The following SLC2A9 variants were observed in gnomAD, a reference collection of about 807,000 sequenced individuals.
SLC2A9 encodes solute carrier family 2, facilitated glucose transporter member 9.
In SLC2A9, 39 loss-of-function variants were observed where a neutral mutation model predicts 50.6. The observed-to-expected ratio is 0.77, with a 90% CI of 0.60 to 1.01. The LOEUF is 1.01. Ranked by LOEUF, SLC2A9 falls within the 50% of genes least tolerant of loss-of-function variation. The pLI, the probability that SLC2A9 is intolerant of heterozygous loss-of-function variation, is 0.00. For missense variants in SLC2A9, 686 were observed against 677.6 expected (o/e 1.01, Z -0.14); for synonymous variants, 324 against 276.9 (o/e 1.17, Z -1.69).
In SLC2A9 at chr4:9,941,922, C is replaced by G; in HGVS notation, c.805G>C (p.Ala269Pro). The G allele has an allele frequency of 6.2e-7, 1 of 1,614,104 alleles. No homozygotes were observed. The highest frequency in any genetic ancestry group is 8.5e-7 in the Non-Finnish European group (1 of 1,179,990). Residue 269 changes from alanine (A) to proline (P), a missense_variant, in exon 6 of 12, where the codon GCT becomes CCT. Physicochemically the swap from Ala to Pro is conservative, Grantham distance 27. Coordinates refer to ENST00000264784, the MANE Select transcript of SLC2A9 (RefSeq NM_020041.3). The part of the protein sequence containing the change: ...LLLEKHNEAR[A>P]VKAFQTFLGK... ...AGGGAAGGGCCCTCACCTTTCACAGCTCTTGCCTCGTTGTGCTTCTCCAAG... is the reference window on the plus strand; with the variant it reads ...AGGGAAGGGCCCTCACCTTTCACAGGTCTTGCCTCGTTGTGCTTCTCCAAG...
chr4:9,830,112 C>T (rs1725824384), intron 11 of SLC2A9, among the ~76,000 whole-genome samples: 1 of 152,092 alleles, frequency 6.6e-6, no homozygotes, highest in Non-Finnish European at 1.5e-5. Flanking sequence ...TGGAATCAAC[C>T]CAAATGTGCA....
At chr4:9,928,684 A>C (rs1463214957) in intron 6 of SLC2A9, among the ~76,000 whole-genome samples, 1 of 152,216 alleles carries the variant, frequency 6.6e-6, no homozygotes, top group East Asian at 1.9e-4. Context: ...CAGTGAGCCG[A>C]AAGTGCATCA....
chr4:9,982,257 G>A (rs1269356458), intron 4 of SLC2A9, among the ~76,000 whole-genome samples: 4 of 152,182 alleles, frequency 2.6e-5, no homozygotes, highest in Non-Finnish European at 5.9e-5. Context: ...CTGACCAATT[G>A]TCTCACCTTA....
intron 5 of SLC2A9, 90 bp from the exon 6 acceptor site, chr4:9,942,135 A>AG: frequency 6.6e-7 from 1 of 1,517,156 alleles, no homozygotes; most frequent in Non-Finnish European, 9.1e-7. Flanking sequence ...TCGACCCTGC[A>AG]GAAGGTCTTC....
intron 3 of SLC2A9, among the ~76,000 whole-genome samples, chr4:9,988,536 A>T (rs1757135763): frequency 6.6e-6 from 1 of 152,216 alleles, no homozygotes; most frequent in Non-Finnish European, 1.5e-5. Context: ...ATCCTTTGCA[A>T]AGCTGACTCA....
chr4:9,944,972 T>G (rs890787047), intron 5 of SLC2A9, among the ~76,000 whole-genome samples: 7 of 152,124 alleles, frequency 4.6e-5, no homozygotes, highest in Non-Finnish European at 8.8e-5. Context: ...TCTCAATGAG[T>G]AAGTGCCTAG....
chr4:9,860,876 C>T (rs1368619703), intron 10 of SLC2A9, among the ~76,000 whole-genome samples: 1 of 152,178 alleles, frequency 6.6e-6, no homozygotes, highest in African/African-American at 2.4e-5. Flanking sequence ...GGCCTTTGTA[C>T]CAGCTGCTCC....
At position 9,883,123 on chromosome 4, in the gene SLC2A9, C is replaced by T. The variant is rs1239693934; in HGVS notation, c.1291+4444G>A. 4.9e-5 allele frequency among the ~76,000 whole-genome samples: 6 copies of T among 123,488 alleles called. No individual in the cohort carries two copies. The Admixed American group carries it at 5.5e-4, about 11-fold the overall frequency. 81.0% of individuals were successfully genotyped at this position (123,488 alleles called of 152,430 possible). A position where few individuals can be genotyped will look rare whatever the true frequency, so the allele number is the denominator to read the frequency against. On this transcript the variant is annotated intron_variant, in intron 10 of 11. Transcript: ENST00000264784. ...ATCCTAATGTGGCAAAGAAGAACAG[C>T]AAGCTATCTACACACACACACACAC... is the stretch of plus-strand genomic sequence containing the variant.
intron 5 of SLC2A9, among the ~76,000 whole-genome samples, chr4:9,952,809 G>A (rs921757610): frequency 1.3e-5 from 2 of 152,222 alleles, no homozygotes; most frequent in African/African-American, 4.8e-5. Flanking sequence ...ACCGGCGTGA[G>A]TCAGGTGTTT....
chr4:9,879,534 C>A (rs1519098), intron 10 of SLC2A9: 580,520 of 984,854 alleles, frequency 0.59, 178,288 homozygotes, highest in Non-Finnish European at 0.63. Context: ...TGCTGATACG[C>A]CCCTGCAGTC....
intron 5 of SLC2A9, among the ~76,000 whole-genome samples, chr4:9,975,491 A>G (rs1363890392): frequency 1.3e-5 from 2 of 152,258 alleles, no homozygotes; most frequent in Non-Finnish European, 2.9e-5. Context: ...GCCAACAAAC[A>G]TATTAAAAAA....
At chr4:10,035,408 A>C (rs1443614444) in intron 1 of SLC2A9, 1 of 152,238 alleles carries the variant, frequency 6.6e-6, no homozygotes, top group Non-Finnish European at 1.5e-5. Flanking sequence ...GGCCACCCAC[A>C]GGCATCCCAG....
intron 11 of SLC2A9, among the ~76,000 whole-genome samples, chr4:9,828,990 C>T (rs61338451): frequency 0.15 from 23,085 of 152,082 alleles, 2,301 homozygotes; most frequent in African/African-American, 0.28. Flanking sequence ...AGGCCACAAA[C>T]AGGGCTTCCT....
At chr4:10,028,115 C>T (rs1252443747) in intron 1 of SLC2A9, among the ~76,000 whole-genome samples, 1 of 152,180 alleles carries the variant, frequency 6.6e-6, no homozygotes, top group Non-Finnish European at 1.5e-5. Flanking sequence ...AACCCAGCTG[C>T]CCAAGCAGCC....
At chr4:9,958,962 G>A (rs1751779905) in intron 5 of SLC2A9, among the ~76,000 whole-genome samples, 1 of 143,950 alleles carries the variant, frequency 6.9e-6, no homozygotes, top group African/African-American at 2.7e-5. Flanking sequence ...AATAACTCCA[G>A]GAAAAACAAA....
chr4:9,904,070 CTG>C (rs1277500151), intron 8 of SLC2A9, among the ~76,000 whole-genome samples: 2 of 151,674 alleles, frequency 1.3e-5, no homozygotes, highest in Non-Finnish European at 2.9e-5. Context: ...TATTGATGCT[CTG>C]TGAGGAACAG....
intron 3 of SLC2A9, among the ~76,000 whole-genome samples, chr4:9,814,393 G>A (rs1344945721): frequency 1.3e-5 from 2 of 152,212 alleles, no homozygotes; most frequent in Non-Finnish European, 1.5e-5. Flanking sequence ...ATTAATTCTG[G>A]TCTTGTTTGG....
At chr4:9,879,096 G>A (rs2109605658) in intron 10 of SLC2A9, 1 of 984,660 alleles carries the variant, frequency 1.0e-6, no homozygotes, top group South Asian at 4.7e-5. Context: ...ATAGAAACAA[G>A]GTTCTTGTCT....
intron 5 of SLC2A9, among the ~76,000 whole-genome samples, chr4:9,973,361 A>T (rs1274998685): frequency 1.3e-5 from 2 of 152,210 alleles, no homozygotes. Flanking sequence ...ATTCTATTAG[A>T]TGTACAAAGA....
Sources: gnomAD v4.1 joint callset for allele counts (sites outside exome capture counted in the v4.1 genomes callset) on GRCh38, gnomAD v4.1.1 for gene constraint, MANE v1.5 for transcripts, NCBI Gene and HGNC (gene_info 2026-07-23, HGNC 2026-07-21) for gene names.